Variants in ZFP69B observed in about 807,000 individuals in gnomAD.
ZFP69B encodes zinc finger protein 69 homolog B.
ZFP69B carries 20 observed loss-of-function variants against 19.7 expected under a neutral mutation model. The observed-to-expected ratio is 1.02, with a 90% CI of 0.71 to 1.48. The LOEUF is 1.48. Ranked by LOEUF, ZFP69B falls within the 40% of genes most tolerant of loss-of-function variation. The pLI, the probability that ZFP69B is intolerant of heterozygous loss-of-function variation, is 0.00. For synonymous variants in ZFP69B, 220 were observed against 222.7 expected, an observed-to-expected ratio of 0.99 and a Z score of 0.11; for missense variants, 583 against 632.6, an observed-to-expected ratio of 0.92 and a Z score of 0.84.
chr1:40,458,809 T>C (rs1019890573), intron 4 of ZFP69B, among the ~76,000 whole-genome samples: 1 of 152,192 alleles, frequency 6.6e-6, no homozygotes, highest in Admixed American at 6.5e-5. Flanking sequence ...CATGAGCCAC[T>C]GCACTGGGCC....
chr1:40,452,341 G>A (rs930921666), intron 1 of ZFP69B, among the ~76,000 whole-genome samples: 5 of 152,148 alleles, frequency 3.3e-5, no homozygotes, highest in Non-Finnish European at 7.4e-5. Context: ...TGGGATAGCC[G>A]GGCATTTTAT....
Position 40,451,325 on chromosome 1 carries a change from A to G in ZFP69B, c.127+237A>G, listed in dbSNP as rs890453325. Among the ~76,000 whole-genome samples, 29 of 152,122 alleles carry G rather than the reference A, an allele frequency of 1.9e-4. 1 individual carries two copies. The highest frequency in any genetic ancestry group is 4.4e-5 in the Non-Finnish European group (3 of 68,022). Reference sequence around the variant, plus strand: ...ATTTATTTTCATCTTTCCCATGGCCATGTGGGGCAGGATGGACTTAACCTG... The same window carrying G: ...ATTTATTTTCATCTTTCCCATGGCCGTGTGGGGCAGGATGGACTTAACCTG... On this transcript the variant is annotated intron_variant, in intron 1 of 4. Transcript: ENST00000361584.
intron 1 of ZFP69B, among the ~76,000 whole-genome samples, chr1:40,452,126 A>AAAATAAATAAAT (rs60077439): frequency 6.7e-6 from 1 of 150,240 alleles, no homozygotes; most frequent in East Asian, 2.0e-4. Flanking sequence ...CCTTGTCTCA[A>AAAATAAATAAAT]AAATAAATAA....
intron 4 of ZFP69B, among the ~76,000 whole-genome samples, chr1:40,457,885 T>G (rs1645248679): frequency 6.6e-6 from 1 of 152,260 alleles, no homozygotes; most frequent in South Asian, 2.1e-4. Flanking sequence ...GATCACAGTT[T>G]CAGTTGCAAC....
At chr1:40,451,197 G>T (rs1294501174) in intron 1 of ZFP69B, 109 bp downstream of exon 1, 7 of 1,317,480 alleles carry the variant, frequency 5.3e-6, no homozygotes, top group Admixed American at 3.4e-5. Flanking sequence ...TGGGTGGAGG[G>T]TTTCCGGAGT....
Position 40,462,621 on chromosome 1 carries a change from T to C in ZFP69B, c.637T>C (p.Cys213Arg). 1 of 1,613,896 alleles carries C rather than the reference T, an allele frequency of 6.2e-7. No homozygotes were observed. ...RMGKGQIPLMCKKTFTQERGQ... is the reference protein window; with the variant it reads ...RMGKGQIPLMRKKTFTQERGQ... Reference sequence around the variant, plus strand: ...GGGTAAGGGGCAAATCCCCCTGATGTGCAAGAAAACATTCACTCAGGAGAG... The same window carrying C: ...GGGTAAGGGGCAAATCCCCCTGATGCGCAAGAAAACATTCACTCAGGAGAG... Residue 213 changes from cysteine (C) to arginine (R), a missense_variant, in exon 5 of 5, where the codon TGC becomes CGC. Cys to Arg is a radical substitution (Grantham distance 180, BLOSUM62 -3). Transcript: ENST00000361584.
Position 40,463,680 on chromosome 1 carries a change from T to A in ZFP69B, c.*91T>A. On this transcript the variant is annotated 3_prime_UTR_variant, in exon 5 of 5. Coordinates refer to ENST00000361584, the MANE Select transcript of ZFP69B (RefSeq NM_023070.3). ...CTCAAAAATCCATTTGTTTTTGGAT[T>A]TCCAAAAACGAACATTAAAAAAAAA... 7.9e-7 allele frequency: 1 copy of A among 1,260,956 alleles called. No individual in the cohort carries two copies. Among genetic ancestry groups the A allele is most frequent in the Non-Finnish European group, 1.1e-6 (1 of 926,000 alleles). The allele number at this position is 1,260,956 out of a possible 1,614,324, so 78.1% of individuals were successfully genotyped here. A position where few individuals can be genotyped will look rare whatever the true frequency, so the allele number is the denominator to read the frequency against.
intron 2 of ZFP69B, among the ~76,000 whole-genome samples, chr1:40,456,439 A>G (rs1231885052): frequency 6.6e-6 from 1 of 152,230 alleles, no homozygotes; most frequent in Non-Finnish European, 1.5e-5. Flanking sequence ...CAGAATGTCT[A>G]TCTCTGTCCA....
rs771864147 is a variant in ZFP69B, at chr1:40,451,044, G to C, written c.83G>C (p.Arg28Pro). The part of the protein sequence containing the change: ...KLRHPKAATE[R>P]VALWEDVTKM... The stretch of plus-strand genomic sequence containing the variant: ...CGTCATCCAAAGGCGGCCACGGAGC[G>C]GGTGGCCCTGTGGGAGGATGTGACT... The change falls in exon 1 of 5, where the codon CGG (arginine) becomes CCG (proline). Residue 28 changes from arginine to proline, a missense_variant. Transcript: ENST00000361584. 40 of 1,549,956 alleles carry C rather than the reference G, an allele frequency of 2.6e-5. No homozygotes were observed. In the African/African-American group the frequency reaches 4.5e-4, roughly 18 times the overall value.
chr1:40,452,977 T>TA (rs902552771), intron 1 of ZFP69B, among the ~76,000 whole-genome samples: 1 of 123,024 alleles, frequency 8.1e-6, no homozygotes, highest in African/African-American at 3.2e-5. Flanking sequence ...TCCTAGTGGT[T>TA]TTTTTTTTTT....
intron 2 of ZFP69B, among the ~76,000 whole-genome samples, 199 bp downstream of exon 2, chr1:40,454,487 C>G (rs941917167): frequency 1.1e-4 from 16 of 152,212 alleles, no homozygotes; most frequent in Middle Eastern, 3.4e-3. Context: ...CAAGCTCCGT[C>G]TCCTGGGTTC....
At chr1:40,457,281 A>T (rs866429584) in intron 3 of ZFP69B, 63 bp from the exon 4 acceptor site, 4 of 1,569,388 alleles carry the variant, frequency 2.5e-6, no homozygotes, top group Non-Finnish European at 3.5e-6. Context: ...AAAGAACCAT[A>T]TTTAAATTCT....
In ZFP69B at chr1:40,462,890, C is replaced by A; in HGVS notation, c.906C>A (p.Thr302=). ...IHLTEHMRIH[T]GEKPFRCKEC... ...TTACTGAACACATGAGAATTCATACCGGGGAGAAACCTTTCAGATGTAAGG... is the reference window on the plus strand; with the variant it reads ...TTACTGAACACATGAGAATTCATACAGGGGAGAAACCTTTCAGATGTAAGG... Residue 302 remains threonine (T), a synonymous_variant, in exon 5 of 5, where the codon ACC becomes ACA. Coordinates refer to ENST00000361584, the MANE Select transcript of ZFP69B (RefSeq NM_023070.3). The A allele has an allele frequency of 1.9e-6, 3 of 1,614,058 alleles. No individual in the cohort carries two copies. The highest frequency in any genetic ancestry group is 1.7e-6 in the Non-Finnish European group (2 of 1,180,024).
chr1:40,461,664 A>G (rs1435126202), intron 4 of ZFP69B, among the ~76,000 whole-genome samples: 6 of 152,016 alleles, frequency 3.9e-5, no homozygotes. Context: ...GTATGGTGGC[A>G]TGTGCCTGAA....
intron 2 of ZFP69B, 88 bp from the exon 3 acceptor site, chr1:40,456,857 A>G: frequency 6.6e-7 from 1 of 1,523,778 alleles, no homozygotes; most frequent in Non-Finnish European, 8.9e-7. Flanking sequence ...GTATCCAGGA[A>G]AACTTGACTA....
upstream of ZFP69B, among the ~76,000 whole-genome samples, chr1:40,450,457 CCAAA>C (rs917961129): frequency 1.3e-5 from 2 of 152,276 alleles, no homozygotes; most frequent in Non-Finnish European, 2.9e-5. Flanking sequence ...AATTACTGCC[CCAAA>C]CAAAGAATTG....
In ZFP69B at chr1:40,450,819, A is replaced by G. The variant is rs144630270; in HGVS notation, c.-143A>G. On this transcript the variant is annotated 5_prime_UTR_variant, in exon 1 of 5. Coordinates refer to ENST00000361584, the MANE Select transcript of ZFP69B (RefSeq NM_023070.3). ...GTTCCCTGGGTTCCTGAGAGAGGACATTGAGGAGTAGGAGTCGGCGATTAA... is the reference window on the plus strand; with the variant it reads ...GTTCCCTGGGTTCCTGAGAGAGGACGTTGAGGAGTAGGAGTCGGCGATTAA... 5.2e-4 allele frequency: 471 copies of G among 900,892 alleles called. 6 individuals carry two copies. In the East Asian group the frequency reaches 0.015, roughly 28 times the overall value. 55.8% of individuals were successfully genotyped at this position (900,892 alleles called of 1,614,324 possible).
intron 1 of ZFP69B, among the ~76,000 whole-genome samples, chr1:40,451,986 G>A (rs1269633707): frequency 7.9e-5 from 12 of 152,262 alleles, no homozygotes; most frequent in African/African-American, 2.9e-4. Flanking sequence ...TTAGCTGGGC[G>A]TGGTGGCACA....
At chr1:40,453,552 C>G (rs1457033231) in intron 1 of ZFP69B, among the ~76,000 whole-genome samples, 1 of 152,098 alleles carries the variant, frequency 6.6e-6, no homozygotes, top group East Asian at 1.9e-4. Context: ...TGAAGGGTAT[C>G]GCAGTTTTTC....
Sources: gnomAD v4.1 joint callset for allele counts (sites outside exome capture counted in the v4.1 genomes callset) on GRCh38, gnomAD v4.1.1 for gene constraint, MANE v1.5 for transcripts, NCBI Gene and HGNC (gene_info 2026-07-23, HGNC 2026-07-21) for gene names.